The following ADGRF5 variants were observed in gnomAD, a reference collection of about 807,000 sequenced individuals.
ADGRF5 encodes adhesion G protein-coupled receptor F5, also known as G-protein coupled receptor 116.
A neutral mutation model predicts 132.3 loss-of-function variants in ADGRF5; 75 were observed. That is an observed-to-expected ratio of 0.57 (90% CI 0.47 to 0.69). The LOEUF is 0.69. Among genes scored for constraint, ADGRF5 ranks in the 30% least tolerant of loss-of-function variants. ADGRF5 has a pLI of 0.00. For synonymous variants in ADGRF5, 629 were observed against 597.6 expected, an observed-to-expected ratio of 1.05 and a Z score of -0.77; for missense variants, 1,516 against 1,630.6, an observed-to-expected ratio of 0.93 and a Z score of 1.21.
intron 3 of ADGRF5, among the ~76,000 whole-genome samples, chr6:46,889,292 T>G (rs1054928348): frequency 6.9e-6 from 1 of 145,084 alleles, no homozygotes; most frequent in Non-Finnish European, 1.5e-5. Flanking sequence ...ATAGTATATA[T>G]AGTACAGTAT....
upstream of ADGRF5, among the ~76,000 whole-genome samples, chr6:46,922,212 AAAAGATGAC>A (rs1777008686): frequency 6.6e-6 from 1 of 152,244 alleles, no homozygotes; most frequent in South Asian, 2.1e-4. Flanking sequence ...TTCAACTTTT[AAAAGATGAC>A]CACTAAATTA....
chr6:46,891,092 T>G (rs1773599297), intron 3 of ADGRF5, among the ~76,000 whole-genome samples: 1 of 152,202 alleles, frequency 6.6e-6, no homozygotes, highest in Non-Finnish European at 1.5e-5. Context: ...ATAAAAAAGG[T>G]CTGTCGCATA....
chr6:46,932,890 C>A (rs1297700736), intron 1 of ADGRF5, among the ~76,000 whole-genome samples: 2 of 152,124 alleles, frequency 1.3e-5, no homozygotes, highest in Non-Finnish European at 1.5e-5. Context: ...CATAATATGT[C>A]ATGCACAATG....
In ADGRF5 at chr6:46,855,981, A is replaced by G. The variant is rs745819702; in HGVS notation, c.3954T>C (p.Gly1318=). 4.4e-6 allele frequency: 7 copies of G among 1,586,334 alleles called. No homozygotes were observed. In the South Asian group the frequency reaches 4.4e-5, roughly 10 times the overall value. ...CTGGAGGCCACTACTCACCTGTTTT[A>G]CCAAACAAATTGTTAAATCTCCTTG... ...PISRRFNNLF[G]KTGTYNVSTP... The change falls in exon 20 of 21, where the codon GGT becomes GGC. Residue 1318 remains glycine, a synonymous_variant. Coordinates refer to ENST00000283296, the MANE Select transcript of ADGRF5 (RefSeq NM_001098518.2).
chr6:46,880,871 G>A (rs1365715755), intron 8 of ADGRF5, among the ~76,000 whole-genome samples: 1 of 152,048 alleles, frequency 6.6e-6, no homozygotes, highest in African/African-American at 2.4e-5. Context: ...TGGGAGGTTT[G>A]CTTGGGGCCA....
chr6:46,873,565 A>G (rs780010101), intron 10 of ADGRF5, among the ~76,000 whole-genome samples: 1 of 150,836 alleles, frequency 6.6e-6, no homozygotes, highest in South Asian at 2.1e-4. Context: ...CTTTTCCTTC[A>G]TCCTCTTCTC....
At chr6:46,860,976 T>C in intron 15 of ADGRF5, 82 bp from the exon 16 acceptor site, 1 of 1,045,770 alleles carries the variant, frequency 9.6e-7, no homozygotes, top group Non-Finnish European at 1.4e-6. Context: ...CCTGGCAAAA[T>C]CTCTCACATC....
intron 1 of ADGRF5, among the ~76,000 whole-genome samples, chr6:46,935,998 A>G (rs1777804097): frequency 6.6e-6 from 1 of 152,222 alleles, no homozygotes; most frequent in South Asian, 2.1e-4. Context: ...CAGCCCAGAA[A>G]GCAGAGCAAC....
At chr6:46,865,521 A>T (rs1219329474) in intron 13 of ADGRF5, among the ~76,000 whole-genome samples, 2 of 152,164 alleles carry the variant, frequency 1.3e-5, no homozygotes, top group Admixed American at 1.3e-4. Flanking sequence ...CCTTTACCAT[A>T]TTGGTATATA....
At chr6:46,881,675 G>A in intron 7 of ADGRF5, 78 bp from the exon 8 acceptor site, 3 of 1,310,186 alleles carry the variant, frequency 2.3e-6, no homozygotes, top group Middle Eastern at 1.9e-4. Flanking sequence ...ATTTGCTTAG[G>A]AAACAAAATA....
chr6:46,860,508 TTCA>T (rs1407253120), intron 16 of ADGRF5, among the ~76,000 whole-genome samples: 7 of 152,194 alleles, frequency 4.6e-5, no homozygotes, highest in African/African-American at 1.7e-4. Context: ...AAAGCAGAGA[TTCA>T]CTAATAAATA....
chr6:46,916,899 G>C (rs1350935526), intron 1 of ADGRF5, among the ~76,000 whole-genome samples: 1 of 152,180 alleles, frequency 6.6e-6, no homozygotes, highest in African/African-American at 2.4e-5. Flanking sequence ...TAAATATTAA[G>C]AGACAATATT....
intron 17 of ADGRF5, among the ~76,000 whole-genome samples, chr6:46,857,140 T>C (rs1769148375): frequency 6.6e-6 from 1 of 152,232 alleles, no homozygotes; most frequent in Admixed American, 6.5e-5. Flanking sequence ...TTTCCTTTAG[T>C]TGAAAACTGG....
chr6:46,872,400 GT>G (rs578179765), intron 10 of ADGRF5, among the ~76,000 whole-genome samples: 1 of 152,118 alleles, frequency 6.6e-6, no homozygotes, highest in Non-Finnish European at 1.5e-5. Context: ...ATGAGCGATG[GT>G]TTTTTGAATG....
intron 4 of ADGRF5, among the ~76,000 whole-genome samples, chr6:46,884,972 C>T (rs1288088070): frequency 2.0e-5 from 3 of 152,132 alleles, no homozygotes; most frequent in East Asian, 1.9e-4. Flanking sequence ...GAGGCCAAGG[C>T]AGTTGGATCA....
intron 1 of ADGRF5, among the ~76,000 whole-genome samples, chr6:46,935,973 C>T (rs548592611): frequency 1.3e-5 from 2 of 152,208 alleles, no homozygotes; most frequent in African/African-American, 2.4e-5. Flanking sequence ...ATCAGGAATG[C>T]GGAATGAATG....
At chr6:46,953,917 G>T (rs532903088) in intron 1 of ADGRF5, among the ~76,000 whole-genome samples, 3 of 151,680 alleles carry the variant, frequency 2.0e-5, no homozygotes, top group Non-Finnish European at 2.9e-5. Context: ...TAGAGTAAAG[G>T]CTGGTTGTGA....
intron 1 of ADGRF5, among the ~76,000 whole-genome samples, chr6:46,947,578 G>A (rs745872155): frequency 1.3e-5 from 2 of 152,174 alleles, no homozygotes; most frequent in Non-Finnish European, 2.9e-5. Context: ...GCAGGATAAA[G>A]GGTTAAGTAA....
chr6:46,936,495 C>T (rs375300075), intron 1 of ADGRF5, among the ~76,000 whole-genome samples: 2 of 152,302 alleles, frequency 1.3e-5, no homozygotes, highest in African/African-American at 2.4e-5. Flanking sequence ...GGTGAGTTTA[C>T]GTCACACACG....
Sources: allele counts gnomAD v4.1 joint callset (sites outside exome capture counted in the v4.1 genomes callset), GRCh38; gene constraint gnomAD v4.1.1; transcripts MANE v1.5; gene names NCBI Gene and HGNC (gene_info 2026-07-23, HGNC 2026-07-21).